The following PLK4 variants were observed in gnomAD, a reference collection of about 807,000 sequenced individuals.
PLK4 encodes polo like kinase 4, also known as serine/threonine-protein kinase PLK4.
PLK4 carries 51 observed loss-of-function variants against 103.0 expected under a neutral mutation model. The observed-to-expected ratio is 0.50, with a 90% CI of 0.40 to 0.63. The LOEUF (loss-of-function observed/expected upper bound fraction) is 0.63, where lower values mean the gene tolerates loss of function less well. Ranked by LOEUF, PLK4 falls within the 20% of genes least tolerant of loss-of-function variation. The probability of loss-of-function intolerance (pLI) is 0.00; values close to 1 mark genes in which losing one functional copy is unlikely to be tolerated. For missense variants in PLK4, 1,054 were observed against 1,151.0 expected, an observed-to-expected ratio of 0.92 and a Z score of 1.22; for synonymous variants, 389 against 376.8, an observed-to-expected ratio of 1.03 and a Z score of -0.38.
At chr4:127,897,999 T>G (rs957389145) in intron 15 of PLK4, among the ~76,000 whole-genome samples, 1 of 151,830 alleles carries the variant, frequency 6.6e-6, no homozygotes, top group South Asian at 2.1e-4. Flanking sequence ...CCACCACACC[T>G]GGCTAATTTT....
chr4:127,883,243 T>G lies in PLK4; in HGVS notation c.127-19T>G, dbSNP rs768276048. 1 of 1,281,532 alleles carries G rather than the reference T, an allele frequency of 7.8e-7. No individual in the cohort carries two copies. Among genetic ancestry groups the G allele is most frequent in the East Asian group, 2.3e-5 (1 of 43,284 alleles). 79.4% of individuals were successfully genotyped at this position (1,281,532 alleles called of 1,614,324 possible). A position where few individuals can be genotyped will look rare whatever the true frequency, so the allele number is the denominator to read the frequency against. The stretch of plus-strand genomic sequence containing the variant: ...TTTATATTTGAAAGTCTGTCAACAT[T>G]TAAACCTGTTATTTTTAGATAGATA... On this transcript the variant is annotated intron_variant, in intron 2 of 15. Coordinates refer to ENST00000270861, the MANE Select transcript of PLK4 (RefSeq NM_014264.5).
chr4:127,892,319 C>T, intron 9 of PLK4, 46 bp from the exon 10 acceptor site: 3 of 1,241,080 alleles, frequency 2.4e-6, no homozygotes, highest in South Asian at 2.6e-5. Context: ...AACTGTATGT[C>T]AGGTCAACAC....
In PLK4 at chr4:127,893,194, G is replaced by C. The variant is rs1735428153; in HGVS notation, c.2189-91G>C. On this transcript the variant is annotated intron_variant, in intron 10 of 15. Coordinates refer to ENST00000270861, the MANE Select transcript of PLK4 (RefSeq NM_014264.5). The stretch of plus-strand genomic sequence containing the variant: ...GAATAAAAATGATACCTTGATCCAG[G>C]AGCCATTATATACTGGTATGATAAT... 6.0e-6 allele frequency: 4 copies of C among 668,526 alleles called. No individual in the cohort carries two copies. In the South Asian group the frequency reaches 1.1e-4, roughly 19 times the overall value. 41.4% of individuals were successfully genotyped at this position (668,526 alleles called of 1,614,324 possible). A position where few individuals can be genotyped will look rare whatever the true frequency, so the allele number is the denominator to read the frequency against.
intron 15 of PLK4, among the ~76,000 whole-genome samples, chr4:127,897,824 CTTTTTT>C (rs200741150): frequency 1.3e-3 from 37 of 28,780 alleles, no homozygotes; most frequent in African/African-American, 5.7e-3. Flanking sequence ...AGAATTAGGG[CTTTTTT>C]TTTTTTTTTT....
intron 15 of PLK4, 76 bp from the exon 16 acceptor site, chr4:127,898,363 A>G (rs1735655233): frequency 4.2e-6 from 3 of 709,640 alleles, no homozygotes; most frequent in African/African-American, 3.6e-5. Context: ...GAAAAATATA[A>G]TGTGCTTTTT....
chr4:127,886,778 A>T, intron 5 of PLK4, 50 bp downstream of exon 5: 1 of 1,122,212 alleles, frequency 8.9e-7, no homozygotes, highest in South Asian at 1.6e-5. Flanking sequence ...ACATTATACT[A>T]GTATAAATAT....
At chr4:127,883,818 G>A (rs1304208264) in intron 4 of PLK4, among the ~76,000 whole-genome samples, 4 of 152,100 alleles carry the variant, frequency 2.6e-5, no homozygotes, top group Non-Finnish European at 5.9e-5. Context: ...AGTTTACTGT[G>A]TATCTTTTCA....
At chr4:127,895,366 T>G (rs998570087) in intron 14 of PLK4, among the ~76,000 whole-genome samples, 2 of 151,914 alleles carry the variant, frequency 1.3e-5, no homozygotes, top group African/African-American at 4.8e-5. Context: ...GTCATGATAA[T>G]TACTAATTGT....
In PLK4 at chr4:127,891,119, T is replaced by A. The variant is rs1735341047; in HGVS notation, c.1858T>A (p.Cys620Ser). 6.3e-6 allele frequency: 10 copies of A among 1,587,382 alleles called. No individual in the cohort carries two copies. Among genetic ancestry groups the A allele is most frequent in the Non-Finnish European group, 7.7e-6 (9 of 1,161,648 alleles). Reference sequence around the variant, plus strand: ...GAGCATACTTGATTCAGAGGAGGTGTGTGTGGAGCTTGTAAAGGAGTATGC... The same window carrying A: ...GAGCATACTTGATTCAGAGGAGGTGAGTGTGGAGCTTGTAAAGGAGTATGC... ...VVSILDSEEVCVELVKEYASQ... is the reference protein window; with the variant it reads ...VVSILDSEEVSVELVKEYASQ... The change falls in exon 8 of 16, where the codon TGT becomes AGT. Residue 620 changes from cysteine (C) to serine (S), a missense_variant. By Grantham distance (112) the Cys-to-Ser change is moderately radical. Around this residue, in one of 4 missense-constraint regions of PLK4, gnomAD observed 680 missense variants for 660.3 expected, o/e 1.03. Coordinates refer to ENST00000270861, the MANE Select transcript of PLK4 (RefSeq NM_014264.5).
intron 14 of PLK4, 97 bp from the exon 15 acceptor site, chr4:127,896,704 A>G (rs561838262): frequency 1.4e-5 from 9 of 625,634 alleles, no homozygotes; most frequent in Non-Finnish European, 2.5e-5. Flanking sequence ...TTAATACAGA[A>G]CCACAAACCC....
At chr4:127,888,777 T>A (rs1735241028) in intron 6 of PLK4, among the ~76,000 whole-genome samples, 1 of 152,114 alleles carries the variant, frequency 6.6e-6, no homozygotes, top group Admixed American at 6.6e-5. Flanking sequence ...GAGGAGATCA[T>A]TTTTTACTAA....
intron 14 of PLK4, among the ~76,000 whole-genome samples, chr4:127,896,474 A>T (rs1578769768): frequency 6.6e-6 from 1 of 152,090 alleles, no homozygotes; most frequent in Non-Finnish European, 1.5e-5. Flanking sequence ...CTTGTGGGGG[A>T]AAAAAACCAA....
At chr4:127,897,379 A>G (rs2148825613) in intron 15 of PLK4, among the ~76,000 whole-genome samples, 1 of 152,374 alleles carries the variant, frequency 6.6e-6, no homozygotes, top group Middle Eastern at 3.4e-3. Context: ...ATATGAAAAT[A>G]TGTGTCAGGC....
At chr4:127,891,767 T>C (rs1169516697) in intron 9 of PLK4, 86 bp downstream of exon 9, 1 of 431,888 alleles carries the variant, frequency 2.3e-6, no homozygotes, top group East Asian at 3.7e-5. Flanking sequence ...TAATAAATTA[T>C]AAATAGCTTC....
intron 7 of PLK4, among the ~76,000 whole-genome samples, chr4:127,890,642 AT>A (rs970701057): frequency 6.6e-5 from 10 of 152,030 alleles, no homozygotes; most frequent in South Asian, 4.1e-4. Flanking sequence ...TATAACTTTT[AT>A]TTTTTTAGCT....
chr4:127,884,175 C>T (rs542939147), intron 4 of PLK4, among the ~76,000 whole-genome samples: 3 of 152,226 alleles, frequency 2.0e-5, no homozygotes, highest in African/African-American at 7.2e-5. Flanking sequence ...TTCAGACTTC[C>T]TCAATTTCTC....
rs1430543992 is a variant in PLK4, at chr4:127,893,589, C to T, written c.2399C>T (p.Pro800Leu). 6.2e-7 allele frequency: 1 copy of T among 1,609,960 alleles called. No individual in the cohort carries two copies. The highest frequency in any genetic ancestry group is 8.5e-7 in the Non-Finnish European group (1 of 1,177,458). The change falls in exon 12 of 16, where the codon CCA (proline) becomes CTA (leucine). Residue 800 changes from proline to leucine, a missense_variant. By Grantham distance (98) the Pro-to-Leu change is moderately conservative. Transcript: ENST00000270861. ...AAAACTAGGAGTGCTCCCTTTTTCC[C>T]AATAATCATAGGAAGGTAAATGTCT... The part of the protein sequence containing the change: ...ERKTRSAPFF[P>L]IIIGRKPGST...
intron 6 of PLK4, among the ~76,000 whole-genome samples, chr4:127,888,246 C>T (rs1735220788): frequency 1.8e-5 from 2 of 114,190 alleles, no homozygotes; most frequent in South Asian, 3.3e-4. Flanking sequence ...AGCTCTGTTA[C>T]AATATTTGAA....
chr4:127,886,814 C>A, intron 5 of PLK4, 86 bp downstream of exon 5: 1 of 752,996 alleles, frequency 1.3e-6, no homozygotes, highest in Non-Finnish European at 2.0e-6. Flanking sequence ...CGGGGGGATA[C>A]CAGGGAAATG....
Sources: allele counts gnomAD v4.1 joint callset (sites outside exome capture counted in the v4.1 genomes callset), GRCh38; gene constraint gnomAD v4.1.1; regional missense constraint gnomAD v4.1.1; transcripts MANE v1.5; gene names NCBI Gene and HGNC (gene_info 2026-07-23, HGNC 2026-07-21).